STK3: variants seen among roughly 807,000 people sequenced by gnomAD.
STK3 encodes serine/threonine kinase 3, also known as serine/threonine-protein kinase 3.
STK3 carries 41 observed loss-of-function variants against 58.0 expected under a neutral mutation model. The ratio of observed to expected loss-of-function variants is 0.71; its 90% confidence interval spans 0.55 to 0.92. The LOEUF (loss-of-function observed/expected upper bound fraction) is 0.92, where lower values mean the gene tolerates loss of function less well. Ranked by LOEUF, STK3 falls within the 40% of genes least tolerant of loss-of-function variation. STK3 has a pLI of 0.00. For missense variants in STK3, 479 were observed against 602.7 expected, an observed-to-expected ratio of 0.79 and a Z score of 2.15; for synonymous variants, 170 against 191.0, an observed-to-expected ratio of 0.89 and a Z score of 0.91.
At chr8:98,429,667 C>T (rs1052797289) in intron 3 of STK3, 1 of 485,698 alleles carries the variant, frequency 2.1e-6, no homozygotes, top group Non-Finnish European at 3.7e-6. Flanking sequence ...ATAAAATGTT[C>T]ACCTTTTTGC....
intron 3 of STK3, among the ~76,000 whole-genome samples, chr8:98,860,959 C>T (rs1220284577): frequency 6.6e-6 from 1 of 152,042 alleles, no homozygotes; most frequent in African/African-American, 2.4e-5. Context: ...ACTGGGGAGG[C>T]TGAGTTGGGA....
At chr8:98,586,853 C>T (rs1361135086) in intron 7 of STK3, among the ~76,000 whole-genome samples, 1 of 151,678 alleles carries the variant, frequency 6.6e-6, no homozygotes, top group African/African-American at 2.4e-5. Context: ...GGAATTTATC[C>T]ATTTCTTCTA....
At chr8:98,557,609 C>T (rs572732113) in intron 8 of STK3, among the ~76,000 whole-genome samples, 23 of 151,974 alleles carry the variant, frequency 1.5e-4, no homozygotes, top group Non-Finnish European at 2.4e-4. Flanking sequence ...CAATGTCTGA[C>T]GGGCTGAAAA....
chr8:98,728,960 A>C (rs1187576713), intron 4 of STK3, among the ~76,000 whole-genome samples: 1 of 152,218 alleles, frequency 6.6e-6, no homozygotes, highest in Non-Finnish European at 1.5e-5. Flanking sequence ...CAGAACATAT[A>C]CATATTTTTA....
At chr8:98,446,508 A>G (rs1310150252) in intron 1 of STK3, among the ~76,000 whole-genome samples, 2 of 152,186 alleles carry the variant, frequency 1.3e-5, no homozygotes, top group African/African-American at 2.4e-5. Context: ...TGCTTGATAA[A>G]GAAGGTAAGA....
rs939237983 is a variant in STK3, at chr8:98,423,829, T to C, written n.483+10298A>G. On this transcript the variant is annotated intron_variant and non_coding_transcript_variant, in intron 3 of 3. Transcript: ENST00000517832. ...ATGTGTGGGCTCAGCTGAGAGATCATCATTGGCAGTGAAGGCAGAGATAAC... is the reference window on the plus strand; with the variant it reads ...ATGTGTGGGCTCAGCTGAGAGATCACCATTGGCAGTGAAGGCAGAGATAAC... Among the ~76,000 whole-genome samples, 4 of 152,144 alleles carry C rather than the reference T, an allele frequency of 2.6e-5. 1 individual carries two copies. The highest frequency in any genetic ancestry group is 4.1e-4 in the South Asian group (2 of 4,828).
intron 3 of STK3, among the ~76,000 whole-genome samples, chr8:98,411,255 C>T (rs1818052536): frequency 6.6e-6 from 1 of 152,248 alleles, no homozygotes; most frequent in East Asian, 1.9e-4. Flanking sequence ...AACTGCTCTT[C>T]TCATGAGAAG....
chr8:98,378,171 G>A (rs1241484869), intron 2 of STK3, among the ~76,000 whole-genome samples: 1 of 152,152 alleles, frequency 6.6e-6, no homozygotes, highest in Non-Finnish European at 1.5e-5. Flanking sequence ...AAGAGGTTAC[G>A]GGGGAACCGA....
chr8:98,868,813 A>T (rs572800629), intron 3 of STK3, among the ~76,000 whole-genome samples: 52 of 150,406 alleles, frequency 3.5e-4, no homozygotes, highest in Non-Finnish European at 6.8e-4. Context: ...TACTAAAAAT[A>T]AAAAATAAAA....
chr8:98,929,469 G>A (rs1358297693), intron 1 of STK3, among the ~76,000 whole-genome samples: 1 of 152,118 alleles, frequency 6.6e-6, no homozygotes, highest in African/African-American at 2.4e-5. Context: ...CTAGCCTAGG[G>A]AACGTGGCGA....
intron 10 of STK3, among the ~76,000 whole-genome samples, chr8:98,490,519 T>C (rs1371797540): frequency 6.6e-6 from 1 of 152,218 alleles, no homozygotes; most frequent in Admixed American, 6.5e-5. Context: ...CTGCATCGTA[T>C]CAGTCTTTCA....
chr8:98,868,981 AAAAG>A lies in STK3; in HGVS notation c.110+14662_110+14665del, dbSNP rs150043464. ...GACAGCATGAGACCTTGACTCAAAA[AAAAG>A]AAAGAAAGAAGAAAGAGAGAGAGAG... On this transcript the variant is annotated intron_variant, in intron 3 of 12. Transcript: ENST00000523601. Among the ~76,000 whole-genome samples the A allele has an allele frequency of 9.6e-3, 1,443 of 150,602 alleles. 27 individuals are homozygous for A. The highest frequency in any genetic ancestry group is 0.033 in the African/African-American group (1,338 of 40,678).
chr8:98,440,564 C>CGT (rs59209840), intron 1 of STK3, among the ~76,000 whole-genome samples: 2,939 of 150,032 alleles, frequency 0.02, 38 homozygotes, highest in African/African-American at 0.036. Context: ...TACATAAGCA[C>CGT]GTGTGTGTGT....
chr8:98,412,536 G>A (rs1325018998), intron 3 of STK3, among the ~76,000 whole-genome samples: 1 of 152,182 alleles, frequency 6.6e-6, no homozygotes, highest in Non-Finnish European at 1.5e-5. Context: ...TAGCTGTTGT[G>A]CTCCCGGGGA....
chr8:98,442,096 T>C (rs1818717721), intron 1 of STK3, among the ~76,000 whole-genome samples: 1 of 152,372 alleles, frequency 6.6e-6, no homozygotes, highest in Admixed American at 6.5e-5. Flanking sequence ...TAACTTCATC[T>C]TCTCACTCTT....
At chr8:98,860,413 G>C (rs138514192) in intron 3 of STK3, among the ~76,000 whole-genome samples, 213 of 152,290 alleles carry the variant, frequency 1.4e-3, no homozygotes, top group Non-Finnish European at 2.7e-3. Context: ...CAGCAAGTGT[G>C]AAGGCCCTAA....
At chr8:98,920,703 C>G (rs1839525316) in intron 1 of STK3, among the ~76,000 whole-genome samples, 1 of 151,808 alleles carries the variant, frequency 6.6e-6, no homozygotes, top group Non-Finnish European at 1.5e-5. Context: ...CCTGTGCTGG[C>G]CTACAGCCAT....
chr8:98,533,452 G>A (rs147848785), intron 9 of STK3, among the ~76,000 whole-genome samples: 342 of 152,098 alleles, frequency 2.2e-3, no homozygotes, highest in Non-Finnish European at 3.4e-3. Context: ...TGAGTATGTT[G>A]TATGTATGTA....
chr8:98,636,553 T>C (rs1029653385), intron 6 of STK3, among the ~76,000 whole-genome samples: 2 of 152,042 alleles, frequency 1.3e-5, no homozygotes, highest in African/African-American at 4.8e-5. Context: ...CAGAGAAATA[T>C]TTCAAGAAAT....
Sources: gnomAD v4.1 joint callset for allele counts (sites outside exome capture counted in the v4.1 genomes callset) on GRCh38, gnomAD v4.1.1 for gene constraint, MANE v1.5 for transcripts, NCBI Gene and HGNC (gene_info 2026-07-23, HGNC 2026-07-21) for gene names.